The following NPFFR2 variants were observed in gnomAD, a reference collection of about 807,000 sequenced individuals.
NPFFR2 encodes the protein neuropeptide FF receptor 2.
In NPFFR2, 15 loss-of-function variants were observed where a neutral mutation model predicts 13.1. The ratio of observed to expected loss-of-function variants is 1.15; its 90% CI spans 0.77 to 1.76. The LOEUF (loss-of-function observed/expected upper bound fraction) is 1.76, where lower values mean the gene tolerates loss of function less well. NPFFR2 is among the 40% of genes most tolerant of loss of function. The probability of loss-of-function intolerance (pLI) is 0.00; values close to 1 mark genes in which losing one functional copy is unlikely to be tolerated. For missense variants in NPFFR2, 572 were observed against 503.5 expected, an observed-to-expected ratio of 1.14 and a Z score of -1.30; for synonymous variants, 190 against 175.7, an observed-to-expected ratio of 1.08 and a Z score of -0.65.
At chr4:72,132,577 G>T (rs1372780988) in intron 2 of NPFFR2, among the ~76,000 whole-genome samples, 1 of 152,148 alleles carries the variant, frequency 6.6e-6, no homozygotes, top group East Asian at 1.9e-4. Context: ...TTGCCACATT[G>T]TCCTCCAGAA....
intron 1 of NPFFR2, among the ~76,000 whole-genome samples, chr4:72,086,734 T>A: frequency 6.6e-6 from 1 of 152,232 alleles, no homozygotes; most frequent in Non-Finnish European, 1.5e-5. Flanking sequence ...CCTTCAATAA[T>A]GGATCCCCTT....
intron 1 of NPFFR2, among the ~76,000 whole-genome samples, chr4:72,069,869 T>C (rs1720194630): frequency 6.6e-6 from 1 of 152,106 alleles, no homozygotes; most frequent in African/African-American, 2.4e-5. Flanking sequence ...GATTGGTAAA[T>C]ATAAAAAAAT....
intron 3 of NPFFR2, among the ~76,000 whole-genome samples, chr4:72,141,717 T>C (rs898770873): frequency 1.3e-5 from 2 of 152,194 alleles, no homozygotes; most frequent in African/African-American, 2.4e-5. Context: ...GATGTGGTGC[T>C]GAGAAGAATG....
chr4:72,114,328 T>C (rs1721650067), intron 1 of NPFFR2, among the ~76,000 whole-genome samples: 1 of 152,068 alleles, frequency 6.6e-6, no homozygotes, highest in African/African-American at 2.4e-5. Context: ...GTAATCACCA[T>C]GATATAATTT....
intron 1 of NPFFR2, among the ~76,000 whole-genome samples, chr4:72,032,426 G>A (rs551822375): frequency 1.3e-5 from 2 of 152,356 alleles, no homozygotes; most frequent in East Asian, 3.9e-4. Flanking sequence ...CCCCAGGCTT[G>A]CAGAGCAGGG....
chr4:72,052,619 C>A (rs1719620627), intron 1 of NPFFR2, among the ~76,000 whole-genome samples: 1 of 152,018 alleles, frequency 6.6e-6, no homozygotes, highest in South Asian at 2.1e-4. Flanking sequence ...CACTCCTATT[C>A]TTTGAGATAT....
chr4:72,039,390 T>G, intron 1 of NPFFR2: 1 of 985,184 alleles, frequency 1.0e-6, no homozygotes, highest in Non-Finnish European at 1.2e-6. Context: ...TGCCCACCTC[T>G]TCTCTTCTGC....
chr4:72,070,561 G>GTGTGTGTGTATGTGT (rs368654718), intron 1 of NPFFR2, among the ~76,000 whole-genome samples: 1 of 131,572 alleles, frequency 7.6e-6, no homozygotes, highest in Non-Finnish European at 1.5e-5. Flanking sequence ...GTGTGTGTGT[G>GTGTGTGTGTATGTGT]GGGGGGGGGG....
At chr4:72,143,838 T>C (rs891803813) in intron 3 of NPFFR2, among the ~76,000 whole-genome samples, 1 of 152,178 alleles carries the variant, frequency 6.6e-6, no homozygotes, top group African/African-American at 2.4e-5. Context: ...CCCCTAGAAG[T>C]AGCCCTCAAC....
intron 1 of NPFFR2, among the ~76,000 whole-genome samples, chr4:72,105,258 A>G (rs1721385787): frequency 6.6e-6 from 1 of 151,974 alleles, no homozygotes; most frequent in South Asian, 2.1e-4. Flanking sequence ...TTCAAATAGT[A>G]TAAAATATAT....
At chr4:72,057,687 G>T (rs777761510) in intron 1 of NPFFR2, among the ~76,000 whole-genome samples, 2 of 151,876 alleles carry the variant, frequency 1.3e-5, no homozygotes, top group Non-Finnish European at 2.9e-5. Context: ...ATCTTTGGAG[G>T]AGTCACAAAC....
intron 1 of NPFFR2, among the ~76,000 whole-genome samples, chr4:72,056,410 C>A (rs534129910): frequency 6.6e-6 from 1 of 152,068 alleles, no homozygotes; most frequent in Non-Finnish European, 1.5e-5. Context: ...AAAGAAGATT[C>A]CTTTCAAAAC....
chr4:72,076,006 C>CACACACACACACACACACACAG (rs746237728), intron 1 of NPFFR2, among the ~76,000 whole-genome samples: 1 of 122,760 alleles, frequency 8.1e-6, no homozygotes, highest in African/African-American at 3.8e-5. Context: ...CACACACACA[C>CACACACACACACACACACACAG]AGAGAGAGAG....
At chr4:72,127,303 CAAAAAAAAAAA>C (rs772559589) in intron 1 of NPFFR2, among the ~76,000 whole-genome samples, 1 of 11,424 alleles carries the variant, frequency 8.8e-5, no homozygotes, top group African/African-American at 3.2e-4. Flanking sequence ...GACTCCATCT[CAAAAAAAAAAA>C]AAAAAAAAAA....
chr4:72,083,358 T>G (rs1005946867), intron 1 of NPFFR2, among the ~76,000 whole-genome samples: 6 of 152,038 alleles, frequency 3.9e-5, no homozygotes, highest in African/African-American at 1.5e-4. Flanking sequence ...ACTTGTTATA[T>G]TTTGTCTTTT....
At chr4:72,135,398 G>A (rs1455544617) in intron 2 of NPFFR2, among the ~76,000 whole-genome samples, 1 of 151,740 alleles carries the variant, frequency 6.6e-6, no homozygotes, top group Non-Finnish European at 1.5e-5. Context: ...AGAGATTCTG[G>A]ATTGCTCTTT....
intron 1 of NPFFR2, among the ~76,000 whole-genome samples, chr4:72,086,162 A>G (rs542840407): frequency 6.6e-6 from 1 of 152,218 alleles, no homozygotes; most frequent in Non-Finnish European, 1.5e-5. Flanking sequence ...CCCTATTCTC[A>G]TTTGTTGATT....
In NPFFR2 at chr4:72,130,093, GA is replaced by G. The variant is rs200606642; in HGVS notation, c.328+1176del. ...CATAGATTAACAGAATCTCAAGGCAGAAGAATTTTTCTTAGTACCTAACAAA... is the reference window on the plus strand; with the variant it reads ...CATAGATTAACAGAATCTCAAGGCAGAGAATTTTTCTTAGTACCTAACAAA... On this transcript the variant is annotated intron_variant, in intron 2 of 3. Coordinates refer to ENST00000308744, the MANE Select transcript of NPFFR2 (RefSeq NM_004885.3). Among the ~76,000 whole-genome samples, 1,456 of 151,082 alleles carry G rather than the reference GA, an allele frequency of 9.6e-3. 30 individuals carry two copies. Among genetic ancestry groups the G allele is most frequent in the African/African-American group, 0.033 (1,363 of 40,956 alleles).
intron 1 of NPFFR2, among the ~76,000 whole-genome samples, chr4:72,117,722 G>C (rs1478553292): frequency 6.6e-6 from 1 of 152,198 alleles, no homozygotes; most frequent in Non-Finnish European, 1.5e-5. Flanking sequence ...ACAGTGAACT[G>C]TTTCCCTGAT....
Sources: allele counts gnomAD v4.1 joint callset (sites outside exome capture counted in the v4.1 genomes callset), GRCh38; gene constraint gnomAD v4.1.1; transcripts MANE v1.5; gene names NCBI Gene and HGNC (gene_info 2026-07-23, HGNC 2026-07-21).